Variants in FGF14 observed in about 807,000 individuals in gnomAD.
FGF14 encodes the protein fibroblast growth factor homologous factor 4.
In FGF14, 5 loss-of-function variants were observed where a neutral mutation model predicts 25.5. That is an observed-to-expected ratio of 0.20 (90% CI 0.10 to 0.41). The LOEUF (loss-of-function observed/expected upper bound fraction) is 0.41. Ranked by LOEUF, FGF14 falls within the 10% of genes least tolerant of loss-of-function variation. The pLI is 1.00. For synonymous variants in FGF14, 138 were observed against 118.3 expected, an observed-to-expected ratio of 1.17 and a Z score of -1.08; for missense variants, 222 against 320.1, an observed-to-expected ratio of 0.69 and a Z score of 2.34.
At chr13:102,226,277 C>T (rs2140975079) in intron 1 of FGF14, among the ~76,000 whole-genome samples, 1 of 152,240 alleles carries the variant, frequency 6.6e-6, no homozygotes, top group Non-Finnish European at 1.5e-5. Flanking sequence ...TCAGTTTCCT[C>T]CACTGAAAAA....
intron 1 of FGF14, among the ~76,000 whole-genome samples, chr13:102,298,700 T>G (rs1192778611): frequency 6.6e-6 from 1 of 152,182 alleles, no homozygotes; most frequent in African/African-American, 2.4e-5. Context: ...CTGTGCTGCT[T>G]ATAAGAAGCA....
chr13:102,125,671 G>T (rs1459234893), intron 1 of FGF14, among the ~76,000 whole-genome samples: 1 of 152,150 alleles, frequency 6.6e-6, no homozygotes, highest in African/African-American at 2.4e-5. Flanking sequence ...TTTTGACAAA[G>T]AAGTAAGCAC....
chr13:102,150,486 C>T (rs536877086), intron 1 of FGF14, among the ~76,000 whole-genome samples: 10 of 152,242 alleles, frequency 6.6e-5, no homozygotes, highest in Admixed American at 3.3e-4. Context: ...TTCTCACTTA[C>T]GTTATTCCAA....
chr13:102,120,175 A>G (rs779364043), intron 1 of FGF14, among the ~76,000 whole-genome samples: 10 of 152,226 alleles, frequency 6.6e-5, no homozygotes, highest in African/African-American at 2.2e-4. Flanking sequence ...TTCATCAAAA[A>G]GAGAGGTGTC....
chr13:101,750,084 C>T (rs1392426765), intron 3 of FGF14, among the ~76,000 whole-genome samples: 1 of 152,034 alleles, frequency 6.6e-6, no homozygotes, highest in Admixed American at 6.6e-5. Context: ...CATCAGATAC[C>T]AAGTCTTCCA....
intron 1 of FGF14, among the ~76,000 whole-genome samples, chr13:102,252,314 G>T (rs2052220732): frequency 6.6e-6 from 1 of 152,154 alleles, no homozygotes; most frequent in Non-Finnish European, 1.5e-5. Flanking sequence ...TTCAGGTTTT[G>T]ATTCTCCCAC....
At chr13:102,163,305 CAT>C (rs1728335561) in intron 1 of FGF14, among the ~76,000 whole-genome samples, 1 of 152,122 alleles carries the variant, frequency 6.6e-6, no homozygotes, top group African/African-American at 2.4e-5. Context: ...TTAGAAACCA[CAT>C]GCCATGCCTT....
At chr13:101,868,481 C>A in intron 3 of FGF14, 1 of 448,522 alleles carries the variant, frequency 2.2e-6, no homozygotes, top group Non-Finnish European at 4.1e-6. Context: ...CACGTGTATA[C>A]TAGGTTATTT....
At chr13:102,022,162 A>G (rs185561176) in intron 1 of FGF14, among the ~76,000 whole-genome samples, 2 of 152,198 alleles carry the variant, frequency 1.3e-5, no homozygotes, top group African/African-American at 4.8e-5. Context: ...TAAACAGTCA[A>G]AAAGAGCTTC....
chr13:102,185,759 T>C (rs1377511584), intron 1 of FGF14, among the ~76,000 whole-genome samples: 1 of 152,158 alleles, frequency 6.6e-6, no homozygotes, highest in African/African-American at 2.4e-5. Flanking sequence ...GATTTATGAT[T>C]GGCACAATTC....
intron 1 of FGF14, among the ~76,000 whole-genome samples, chr13:101,911,772 A>G (rs558244000): frequency 6.6e-6 from 1 of 152,288 alleles, no homozygotes; most frequent in South Asian, 2.1e-4. Context: ...ACAAATAATA[A>G]AATTATAATT....
chr13:102,000,070 C>A lies in FGF14; in HGVS notation c.209-124774G>T, dbSNP rs560763154. Among the ~76,000 whole-genome samples, 5 of 152,312 alleles carry A rather than the reference C, an allele frequency of 3.3e-5. No individual in the cohort carries two copies. The South Asian group carries it at 8.3e-4, about 25-fold the overall frequency. On this transcript the variant is annotated intron_variant, in intron 1 of 4. Coordinates refer to the FGF14 transcript ENST00000376131. ...GTGGCTCACGCCTGTAATCCCAGCA[C>A]TTTGGGAGGCCGAGGCGGGCGGATC...
intron 1 of FGF14, among the ~76,000 whole-genome samples, chr13:102,135,645 G>A (rs2046380402): frequency 6.6e-6 from 1 of 152,096 alleles, no homozygotes; most frequent in Non-Finnish European, 1.5e-5. Flanking sequence ...GATTTGAAGT[G>A]CAATTGCAAT....
intron 1 of FGF14, among the ~76,000 whole-genome samples, chr13:102,159,508 G>C (rs1461708748): frequency 6.6e-6 from 1 of 152,126 alleles, no homozygotes; most frequent in Non-Finnish European, 1.5e-5. Flanking sequence ...TTATTAAATG[G>C]GCTTTCAGAA....
At chr13:101,726,859 A>G in intron 3 of FGF14, 49 bp from the exon 4 acceptor site, 2 of 1,370,904 alleles carry the variant, frequency 1.5e-6, no homozygotes, top group Non-Finnish European at 2.0e-6. Context: ...CTTGATCTTC[A>G]CTGTACATTC....
intron 3 of FGF14, among the ~76,000 whole-genome samples, chr13:101,776,886 T>C (rs1280458995): frequency 6.6e-6 from 1 of 152,198 alleles, no homozygotes; most frequent in African/African-American, 2.4e-5. Context: ...AGGGTTTCCA[T>C]TTCATAGTCA....
At chr13:102,170,222 T>C (rs532166438) in intron 1 of FGF14, among the ~76,000 whole-genome samples, 2 of 147,904 alleles carry the variant, frequency 1.4e-5, no homozygotes, top group African/African-American at 4.9e-5. Flanking sequence ...GGTATTTAGA[T>C]ACTAATCGTT....
chr13:101,764,700 C>G (rs1484981194), intron 3 of FGF14, among the ~76,000 whole-genome samples: 1 of 152,096 alleles, frequency 6.6e-6, no homozygotes, highest in Non-Finnish European at 1.5e-5. Flanking sequence ...TGGTCTCTAC[C>G]CAGAAGATTG....
intron 1 of FGF14, among the ~76,000 whole-genome samples, chr13:102,065,072 C>T (rs1033286317): frequency 1.2e-4 from 18 of 151,926 alleles, no homozygotes; most frequent in African/African-American, 4.3e-4. Context: ...AAATTTAAAC[C>T]CAGTTCTTTG....
Sources: allele counts gnomAD v4.1 joint callset (sites outside exome capture counted in the v4.1 genomes callset), GRCh38; gene constraint gnomAD v4.1.1; transcripts MANE v1.5; gene names NCBI Gene and HGNC (gene_info 2026-07-23, HGNC 2026-07-21).